The following MYLK variants were observed in gnomAD, a reference collection of about 807,000 sequenced individuals.
MYLK encodes myosin light chain kinase, smooth muscle.
A neutral mutation model predicts 203.4 loss-of-function variants in MYLK; 106 were observed. That is an observed-to-expected ratio of 0.52 (90% CI 0.45 to 0.61). MYLK has a LOEUF of 0.61. Among genes scored for constraint, MYLK ranks in the 20% least tolerant of loss-of-function variants. The pLI, the probability that MYLK is intolerant of heterozygous loss-of-function variation, is 0.00. For missense variants in MYLK, 2,072 were observed against 2,442.3 expected, an observed-to-expected ratio of 0.85 and a Z score of 3.20; for synonymous variants, 867 against 959.5, an observed-to-expected ratio of 0.90 and a Z score of 1.78.
rs1439366927 is a variant in MYLK, at chr3:123,821,481, G to A, written c.-4+10067C>T. ...AGGCCCCATGATCAGGGATTATCTG[G>A]AAACATTTAGTAATAAGTTCCAAGA... On this transcript the variant is annotated intron_variant, in intron 3 of 33. Transcript: ENST00000360304. 2.0e-5 allele frequency among the ~76,000 whole-genome samples: 3 copies of A among 152,138 alleles called. 1 individual carries two copies. The highest frequency in any genetic ancestry group is 4.4e-5 in the Non-Finnish European group (3 of 68,022).
At chr3:123,650,948 G>A (rs1456694419) in intron 24 of MYLK, among the ~76,000 whole-genome samples, 1 of 152,188 alleles carries the variant, frequency 6.6e-6, no homozygotes. Flanking sequence ...ACAGGGCAAA[G>A]TGTGCATGGG....
intron 27 of MYLK, chr3:123,646,979 T>C: frequency 1.8e-6 from 1 of 570,390 alleles, no homozygotes; most frequent in South Asian, 2.0e-5. Context: ...ATCTACTGGT[T>C]TGTTTTGGAA....
At chr3:123,855,538 T>A (rs534624564) in intron 2 of MYLK, among the ~76,000 whole-genome samples, 190 of 151,696 alleles carry the variant, frequency 1.3e-3, no homozygotes, top group Non-Finnish European at 1.7e-3. Context: ...ACTCAGGAGG[T>A]TGAGGTGGGA....
At chr3:123,693,890 C>T (rs578061013) in intron 18 of MYLK, among the ~76,000 whole-genome samples, 9 of 152,298 alleles carry the variant, frequency 5.9e-5, no homozygotes, top group Admixed American at 2.0e-4. Flanking sequence ...GGGAAGCAAC[C>T]GTCACACAGG....
At chr3:123,717,905 G>A (rs820346) in intron 13 of MYLK, among the ~76,000 whole-genome samples, 144,753 of 147,262 alleles carry the variant, frequency 0.98, 71,183 homozygotes, top group Middle Eastern at 1. Flanking sequence ...ATCCAGGCTG[G>A]AGTCCAGTGG....
At chr3:123,811,078 G>A (rs572208938) in intron 3 of MYLK, among the ~76,000 whole-genome samples, 22 of 152,290 alleles carry the variant, frequency 1.4e-4, no homozygotes, top group African/African-American at 5.1e-4. Context: ...ACCTGGAGAA[G>A]GTATGGAAAA....
At chr3:123,784,158 A>G (rs549773255) in intron 4 of MYLK, among the ~76,000 whole-genome samples, 2 of 152,320 alleles carry the variant, frequency 1.3e-5, no homozygotes, top group Admixed American at 1.3e-4. Context: ...TGGGGACTAT[A>G]ACGACCTGGA....
intron 5 of MYLK, among the ~76,000 whole-genome samples, chr3:123,740,202 G>C (rs1346645091): frequency 6.6e-6 from 1 of 151,912 alleles, no homozygotes; most frequent in Non-Finnish European, 1.5e-5. Flanking sequence ...TTATGAAGCT[G>C]ATACTACATT....
At chr3:123,812,871 G>A (rs980213211) in intron 3 of MYLK, among the ~76,000 whole-genome samples, 3 of 152,250 alleles carry the variant, frequency 2.0e-5, no homozygotes, top group Middle Eastern at 3.4e-3. Context: ...AGGCATATTG[G>A]GGCACTCAGG....
chr3:123,712,485 T>C (rs1417389826), intron 13 of MYLK, among the ~76,000 whole-genome samples: 1 of 152,232 alleles, frequency 6.6e-6, no homozygotes, highest in East Asian at 1.9e-4. Flanking sequence ...TTTAAGCCTG[T>C]GGCAGTCTCC....
rs2062597065 is a variant in MYLK at position 123,734,229 on chromosome 3, G to T, written c.774-7C>A. 1.3e-6 allele frequency: 2 copies of T among 1,522,876 alleles called. No individual in the cohort carries two copies. Among genetic ancestry groups the T allele is most frequent in the Admixed American group, 2.1e-5 (1 of 47,696 alleles). 94.3% of individuals were successfully genotyped at this position (1,522,876 alleles called of 1,614,324 possible). A position where few individuals can be genotyped will look rare whatever the true frequency, so the allele number is the denominator to read the frequency against. On this transcript the variant is annotated splice_region_variant and splice_polypyrimidine_tract_variant and intron_variant, in intron 9 of 33. Transcript: ENST00000360304. ...TGTTTCTCTCACAAATGACCTGTGT[G>T]GTGGTGAGGGTGGGGGTAGGGTGGG...
Position 123,654,214 on chromosome 3 carries a change from T to C in MYLK, c.4288+2912A>G, listed in dbSNP as rs115294731. On this transcript the variant is annotated intron_variant, in intron 24 of 33. Transcript: ENST00000360304. Reference sequence around the variant, plus strand: ...CATGGCTCAACGGGTAAAGGCCGCCTGACACACAGCTGCTAGCATAAAATT... The same window carrying C: ...CATGGCTCAACGGGTAAAGGCCGCCCGACACACAGCTGCTAGCATAAAATT... 6.3e-3 allele frequency among the ~76,000 whole-genome samples: 962 copies of C among 152,330 alleles called. 14 individuals carry two copies. Among genetic ancestry groups the C allele is most frequent in the African/African-American group, 0.021 (876 of 41,580 alleles).
chr3:123,805,436 G>T (rs1483322144), intron 3 of MYLK, among the ~76,000 whole-genome samples: 4 of 152,158 alleles, frequency 2.6e-5, no homozygotes, highest in African/African-American at 9.7e-5. Flanking sequence ...TCTCCAACAC[G>T]CCAGAGGAGG....
chr3:123,793,634 C>T (rs749923417), intron 4 of MYLK, 43 bp downstream of exon 4: 11 of 1,609,588 alleles, frequency 6.8e-6, no homozygotes, highest in South Asian at 1.1e-5. Flanking sequence ...GCGGCCCCTG[C>T]CCATCCTTCC....
At chr3:123,768,420 GT>G (rs2063771742) in intron 4 of MYLK, among the ~76,000 whole-genome samples, 2 of 152,178 alleles carry the variant, frequency 1.3e-5, no homozygotes, top group Admixed American at 1.3e-4. Context: ...GCTCAGCTAT[GT>G]CACCTGAAGG....
chr3:123,705,284 G>A (rs12054142), intron 16 of MYLK, among the ~76,000 whole-genome samples: 11,768 of 152,252 alleles, frequency 0.077, 1,336 homozygotes, highest in East Asian at 0.49. Context: ...TTCTCAGGTG[G>A]GGAAAAAGCC....
At chr3:123,773,244 CTT>C (rs772438072) in intron 4 of MYLK, among the ~76,000 whole-genome samples, 65 of 152,022 alleles carry the variant, frequency 4.3e-4, no homozygotes, top group Admixed American at 7.2e-4. Flanking sequence ...CATAATGTAA[CTT>C]TTAACGATTT....
chr3:123,723,037 A>G (rs2108744105), intron 12 of MYLK, among the ~76,000 whole-genome samples: 1 of 152,158 alleles, frequency 6.6e-6, no homozygotes, highest in South Asian at 2.1e-4. Context: ...CTGGGAGTTT[A>G]TCATTCTGGG....
intron 4 of MYLK, among the ~76,000 whole-genome samples, chr3:123,765,586 C>T (rs2108954412): frequency 6.6e-6 from 1 of 151,256 alleles, no homozygotes; most frequent in East Asian, 1.9e-4. Flanking sequence ...TGTACACCCA[C>T]ATTCATGACA....
Sources: gnomAD v4.1 joint callset for allele counts (sites outside exome capture counted in the v4.1 genomes callset) on GRCh38, gnomAD v4.1.1 for gene constraint, MANE v1.5 for transcripts, NCBI Gene and HGNC (gene_info 2026-07-23, HGNC 2026-07-21) for gene names.